The following VPS13D variants were observed in gnomAD, a reference collection of about 807,000 sequenced individuals.
The protein encoded by VPS13D is vacuolar protein sorting 13 homolog D.
A neutral mutation model predicts 461.9 loss-of-function variants in VPS13D; 187 were observed. The ratio of observed to expected loss-of-function variants is 0.40; its 90% confidence interval spans 0.36 to 0.46. VPS13D has a LOEUF of 0.46. VPS13D is among the 20% of genes least tolerant of loss of function. VPS13D has a pLI of 0.60. For missense variants in VPS13D, 4,711 were observed against 5,364.9 expected (o/e 0.88, Z 3.81); for synonymous variants, 1,951 against 1,986.3 (o/e 0.98, Z 0.47).
At chr1:12,333,892 T>C (rs1643389121) in intron 38 of VPS13D, among the ~76,000 whole-genome samples, 2 of 152,232 alleles carry the variant, frequency 1.3e-5, no homozygotes, top group African/African-American at 4.8e-5. Context: ...TTCAATGTCA[T>C]GAATAAAAAC....
At chr1:12,496,794 G>A (rs1166381230) in intron 67 of VPS13D, among the ~76,000 whole-genome samples, 6 of 152,196 alleles carry the variant, frequency 3.9e-5, no homozygotes, top group South Asian at 4.1e-4. Context: ...AGATTCCTCC[G>A]GGCCGCCGAC....
At chr1:12,396,480 T>A (rs953149333) in intron 60 of VPS13D, among the ~76,000 whole-genome samples, 1 of 152,206 alleles carries the variant, frequency 6.6e-6, no homozygotes, top group Non-Finnish European at 1.5e-5. Flanking sequence ...TGTAACATCA[T>A]ACTTGGAACG....
chr1:12,322,968 CAG>C (rs143393416), intron 34 of VPS13D, among the ~76,000 whole-genome samples: 4,053 of 152,266 alleles, frequency 0.027, 95 homozygotes, highest in African/African-American at 0.055. Flanking sequence ...CAGTTTTTTC[CAG>C]AGTTACCTGG....
intron 21 of VPS13D, among the ~76,000 whole-genome samples, chr1:12,284,268 A>T (rs1181300429): frequency 2.8e-4 from 42 of 152,328 alleles, no homozygotes; most frequent in Non-Finnish European, 1.5e-5. Context: ...GGGGCAAACC[A>T]CTTGGCCTCT....
At chr1:12,455,946 A>G in intron 65 of VPS13D, 52 bp from the exon 66 acceptor site, 1 of 1,545,208 alleles carries the variant, frequency 6.5e-7, no homozygotes, top group Non-Finnish European at 8.7e-7. Flanking sequence ...TTCAAATAGT[A>G]AAAATAGTGC....
chr1:12,268,953 G>C, intron 16 of VPS13D, 77 bp downstream of exon 16: 2 of 1,510,516 alleles, frequency 1.3e-6, no homozygotes, highest in South Asian at 1.3e-5. Flanking sequence ...TTCTGGACAA[G>C]GGTTATTCAG....
intron 26 of VPS13D, among the ~76,000 whole-genome samples, chr1:12,306,222 G>A (rs1054971218): frequency 2.6e-5 from 4 of 152,168 alleles, no homozygotes; most frequent in African/African-American, 7.2e-5. Flanking sequence ...CTGACCTCGT[G>A]ATCCGCCCCG....
At chr1:12,405,002 C>T (rs1195877539) in intron 63 of VPS13D, among the ~76,000 whole-genome samples, 2 of 152,248 alleles carry the variant, frequency 1.3e-5, no homozygotes, top group Admixed American at 6.5e-5. Flanking sequence ...TAAGATGCTA[C>T]AAGATAGTCA....
chr1:12,374,008 G>A (rs2101634437), intron 55 of VPS13D, 150 bp downstream of exon 55: 1 of 491,656 alleles, frequency 2.0e-6, no homozygotes, highest in South Asian at 2.5e-5. Context: ...GTCAGTGTTA[G>A]GGCGGATGAG....
rs139828623 is a variant in VPS13D at position 12,505,821 on chromosome 1, G to A, written c.12795-1032G>A. 0.019 allele frequency among the ~76,000 whole-genome samples: 2,942 copies of A among 152,290 alleles called. 116 individuals carry two copies. Among genetic ancestry groups the A allele is most frequent in the Admixed American group, 0.1 (1,565 of 15,300 alleles). On this transcript the variant is annotated intron_variant, in intron 68 of 69. Transcript: ENST00000620676. This position sits in a 1 kb window ranked among gnomAD's most constrained non-coding sequence, Gnocchi z 4.2. ...AGAGAAGTTGGGAGAGCAGGTGTGC[G>A]TCCTGCACGGACCCCAAGTGAGCGA...
At chr1:12,338,633 T>C (rs1643502093) in intron 40 of VPS13D, among the ~76,000 whole-genome samples, 1 of 152,188 alleles carries the variant, frequency 6.6e-6, no homozygotes, top group Non-Finnish European at 1.5e-5. Flanking sequence ...CCATGCTTCA[T>C]CAAGCAGTGG....
At chr1:12,233,668 C>G (rs959343578) in intron 1 of VPS13D, among the ~76,000 whole-genome samples, 1 of 152,172 alleles carries the variant, frequency 6.6e-6, no homozygotes, top group Non-Finnish European at 1.5e-5. Flanking sequence ...TGACTATTCC[C>G]TGAAGCAGCA....
intron 37 of VPS13D, among the ~76,000 whole-genome samples, chr1:12,332,821 G>A (rs1007624051): frequency 2.0e-5 from 3 of 152,212 alleles, no homozygotes; most frequent in African/African-American, 7.2e-5. Flanking sequence ...TTCAACCAAT[G>A]TATTGGTCCT....
chr1:12,392,470 ACT>A (rs1230570075), intron 60 of VPS13D, among the ~76,000 whole-genome samples: 3 of 149,186 alleles, frequency 2.0e-5, no homozygotes, highest in Non-Finnish European at 4.4e-5. Context: ...CAAGAGCAAG[ACT>A]CTCTCAAAAA....
intron 10 of VPS13D, among the ~76,000 whole-genome samples, chr1:12,260,183 G>A (rs952949830): frequency 5.9e-5 from 9 of 152,012 alleles, no homozygotes; most frequent in East Asian, 1.9e-4. Flanking sequence ...CTGCCACCAC[G>A]CCTGGCTAAT....
At chr1:12,315,770 T>C (rs1642869842) in intron 30 of VPS13D, among the ~76,000 whole-genome samples, 1 of 152,230 alleles carries the variant, frequency 6.6e-6, no homozygotes, top group South Asian at 2.1e-4. Flanking sequence ...GTTGAAGATG[T>C]TTCCTTTGAA....
intron 2 of VPS13D, among the ~76,000 whole-genome samples, chr1:12,240,457 T>G (rs1046396176): frequency 2.0e-5 from 3 of 151,884 alleles, no homozygotes; most frequent in African/African-American, 4.8e-5. Context: ...TAGCTGGGTG[T>G]GGTGGCGGGC....
At chr1:12,332,799 T>C (rs1382332425) in intron 37 of VPS13D, among the ~76,000 whole-genome samples, 2 of 152,258 alleles carry the variant, frequency 1.3e-5, no homozygotes, top group African/African-American at 4.8e-5. Flanking sequence ...AGCCTTCATA[T>C]GTACCTATTT....
At chr1:12,230,350 A>T (rs1160188403) in intron 1 of VPS13D, among the ~76,000 whole-genome samples, 1 of 151,838 alleles carries the variant, frequency 6.6e-6, no homozygotes, top group Non-Finnish European at 1.5e-5. Flanking sequence ...ACCTCCGGGG[A>T]CCCCTGCGTC....
Sources: gnomAD v4.1 joint callset for allele counts (sites outside exome capture counted in the v4.1 genomes callset) on GRCh38, gnomAD v4.1.1 for gene constraint, Gnocchi (gnomAD v3.1) non-coding constraint, MANE v1.5 for transcripts, NCBI Gene and HGNC (gene_info 2026-07-23, HGNC 2026-07-21) for gene names.